The following PDZD2 variants were observed in gnomAD, a reference collection of about 807,000 sequenced individuals.
PDZD2 encodes PDZ domain-containing protein 2.
A neutral mutation model predicts 220.7 loss-of-function variants in PDZD2; 90 were observed. The observed-to-expected ratio is 0.41, with a 90% CI of 0.34 to 0.49. The LOEUF is 0.49. Among genes scored for constraint, PDZD2 ranks in the 20% least tolerant of loss-of-function variants. PDZD2 has a pLI of 0.28. For missense variants in PDZD2, 3,174 were observed against 3,608.5 expected, an observed-to-expected ratio of 0.88 and a Z score of 3.08; for synonymous variants, 1,375 against 1,450.5, an observed-to-expected ratio of 0.95 and a Z score of 1.18.
rs555571738 is a variant in PDZD2, at chr5:31,929,583, C to T, written c.477-53572C>T. On this transcript the variant is annotated intron_variant, in intron 2 of 24. Transcript: ENST00000438447. The stretch of plus-strand genomic sequence containing the variant: ...AGCAGTGGAAGGCCAGGCGCAGTGG[C>T]TCACGCCTGTAATCCCAGCACTTTG... 8.5e-5 allele frequency among the ~76,000 whole-genome samples: 13 copies of T among 152,342 alleles called. No homozygotes were observed. In the East Asian group the frequency reaches 2.1e-3, roughly 25 times the overall value.
intron 1 of PDZD2, among the ~76,000 whole-genome samples, chr5:31,701,886 G>A (rs890729944): frequency 3.9e-5 from 6 of 152,170 alleles, no homozygotes; most frequent in African/African-American, 1.4e-4. Context: ...TCCTTTCCTG[G>A]AGTCTAAAAT....
At chr5:31,872,372 G>A (rs1738900203) in intron 2 of PDZD2, among the ~76,000 whole-genome samples, 1 of 152,104 alleles carries the variant, frequency 6.6e-6, no homozygotes, top group East Asian at 1.9e-4. Flanking sequence ...TTCTTCATCT[G>A]CCTCCATGGG....
chr5:32,107,341 T>TAACA (rs1001298946), intron 24 of PDZD2: 2 of 152,192 alleles, frequency 1.3e-5, no homozygotes, highest in Admixed American at 6.6e-5. Context: ...CAGAATCTGT[T>TAACA]AACAATTAGA....
At chr5:32,069,520 GAAAT>G (rs752079874) in intron 14 of PDZD2, 45 bp from the exon 15 acceptor site, 15 of 1,074,870 alleles carry the variant, frequency 1.4e-5, no homozygotes, top group Middle Eastern at 2.0e-4. Context: ...TTCATTGGGA[GAAAT>G]AAATAAATAA....
chr5:31,891,132 T>TG (rs1419515666), intron 2 of PDZD2, among the ~76,000 whole-genome samples: 4 of 38,694 alleles, frequency 1.0e-4, no homozygotes, highest in Non-Finnish European at 2.4e-4. Context: ...TTTTCCTTTT[T>TG]TTTTTTTTTT....
At chr5:31,724,436 T>C (rs1356109770) in intron 1 of PDZD2, among the ~76,000 whole-genome samples, 2 of 151,954 alleles carry the variant, frequency 1.3e-5, no homozygotes, top group South Asian at 2.1e-4. Flanking sequence ...ACCCCGTCTC[T>C]ACTAAAAATA....
At chr5:31,923,643 A>G (rs1744488613) in intron 2 of PDZD2, 2 of 705,578 alleles carry the variant, frequency 2.8e-6, no homozygotes, top group South Asian at 2.8e-5. Context: ...GTTGGATGGC[A>G]CAAGGCTCTT....
intron 2 of PDZD2, among the ~76,000 whole-genome samples, chr5:31,867,497 C>G (rs916541398): frequency 5.3e-5 from 8 of 152,154 alleles, no homozygotes; most frequent in African/African-American, 1.9e-4. Context: ...CTGGCAGAGC[C>G]TTTCTCTGGG....
chr5:31,752,293 A>G (rs768403186), intron 1 of PDZD2, among the ~76,000 whole-genome samples: 22 of 151,950 alleles, frequency 1.4e-4, no homozygotes, highest in Non-Finnish European at 2.9e-4. Flanking sequence ...TCATGCCTGT[A>G]ATCCCAGCGC....
rs1463323616 is a variant in PDZD2 at position 31,646,051 on chromosome 5, G to GA, written c.-361+6614_-361+6615insA. ...GTCAGGGAGCTTTGCACTGCGGGGG[G>GA]GCCTTCTCACTACTGTCACTCCTAG... On this transcript the variant is annotated intron_variant, in intron 1 of 24. Transcript: ENST00000438447. The surrounding 1 kb of genome is among the most constrained non-coding windows in gnomAD (Gnocchi z 4.7). 1.8e-4 allele frequency among the ~76,000 whole-genome samples: 27 copies of GA among 152,086 alleles called. No individual in the cohort carries two copies. Among genetic ancestry groups the GA allele is most frequent in the Non-Finnish European group, 1.0e-4 (7 of 68,000 alleles).
At chr5:31,994,576 C>G (rs1199392558) in intron 3 of PDZD2, among the ~76,000 whole-genome samples, 1 of 151,956 alleles carries the variant, frequency 6.6e-6, no homozygotes, top group East Asian at 1.9e-4. Context: ...ACCTCCACCT[C>G]CTAGGTTCAA....
intron 1 of PDZD2, chr5:31,744,237 T>C (rs188258072): frequency 2.0e-5 from 3 of 152,336 alleles, no homozygotes. Context: ...CATTTCTAAA[T>C]CACACTCATG....
chr5:32,072,102 C>T (rs1336300742), intron 16 of PDZD2, 59 bp from the exon 17 acceptor site: 1 of 1,224,672 alleles, frequency 8.2e-7, no homozygotes, highest in Admixed American at 1.9e-5. Flanking sequence ...ACGTAATAAC[C>T]CTTGAAAGTC....
intron 21 of PDZD2, among the ~76,000 whole-genome samples, chr5:32,094,529 G>A (rs1031460049): frequency 1.3e-5 from 2 of 152,008 alleles, no homozygotes; most frequent in South Asian, 2.1e-4. Context: ...GCCAGGAGGC[G>A]AGGAGAGAGG....
At chr5:32,009,618 G>T (rs560463639) in intron 5 of PDZD2, among the ~76,000 whole-genome samples, 2 of 152,110 alleles carry the variant, frequency 1.3e-5, no homozygotes, top group African/African-American at 4.8e-5. Flanking sequence ...TGTACTTCCA[G>T]CTACTCATGA....
At chr5:31,922,767 C>T (rs78720757) in intron 2 of PDZD2, among the ~76,000 whole-genome samples, 13 of 152,254 alleles carry the variant, frequency 8.5e-5, no homozygotes, top group East Asian at 1.9e-4. Context: ...CCCGCCCCCC[C>T]CTCCGGGCTC....
chr5:31,730,373 T>C (rs1006017239), intron 1 of PDZD2, among the ~76,000 whole-genome samples: 4 of 152,198 alleles, frequency 2.6e-5, no homozygotes, highest in Non-Finnish European at 4.4e-5. Flanking sequence ...CATCAATTAC[T>C]ATTTCCACAG....
chr5:32,038,223 T>C (rs1381537393), intron 7 of PDZD2, among the ~76,000 whole-genome samples: 2 of 148,716 alleles, frequency 1.3e-5, no homozygotes, highest in African/African-American at 5.0e-5. Context: ...ATTTTATGGC[T>C]GTGTTGGTAT....
chr5:31,810,556 C>T (rs1041141922), intron 2 of PDZD2, among the ~76,000 whole-genome samples: 31 of 152,156 alleles, frequency 2.0e-4, no homozygotes, highest in East Asian at 5.8e-4. Flanking sequence ...TGAGCCACCA[C>T]GACCAGCCGC....
Sources: gnomAD v4.1 joint callset for allele counts (sites outside exome capture counted in the v4.1 genomes callset) on GRCh38, gnomAD v4.1.1 for gene constraint, Gnocchi (gnomAD v3.1) non-coding constraint, MANE v1.5 for transcripts, NCBI Gene and HGNC (gene_info 2026-07-23, HGNC 2026-07-21) for gene names.